PPP3CC: variants seen among roughly 807,000 people sequenced by gnomAD.
PPP3CC encodes the protein protein phosphatase 3 catalytic subunit gamma.
In PPP3CC, 35 loss-of-function variants were observed where a neutral mutation model predicts 60.3. The ratio of observed to expected loss-of-function variants is 0.58; its 90% CI spans 0.44 to 0.77. PPP3CC has a LOEUF of 0.77. Ranked by LOEUF, PPP3CC falls within the 30% of genes least tolerant of loss-of-function variation. The pLI is 0.00. For synonymous variants in PPP3CC, 206 were observed against 224.3 expected (o/e 0.92, Z 0.73); for missense variants, 570 against 628.9 (o/e 0.91, Z 1.00).
In PPP3CC at chr8:22,475,155, T is replaced by C. The variant is rs1241717619; in HGVS notation, c.247+4T>C. 4 of 1,606,098 alleles carry C rather than the reference T, an allele frequency of 2.5e-6. No homozygotes were observed. The African/African-American group carries it at 5.3e-5, about 21-fold the overall frequency. ...GAAGTAGATGCTCCAATCACAGGTA[T>C]AAAAAGTCTTTGCATGATACTTTTT... On this transcript the variant is annotated splice_donor_region_variant and intron_variant, in intron 2 of 13. Coordinates refer to ENST00000240139, the MANE Select transcript of PPP3CC (RefSeq NM_005605.5).
At chr8:22,495,303 T>C (rs1838534576) in intron 3 of PPP3CC, among the ~76,000 whole-genome samples, 1 of 152,154 alleles carries the variant, frequency 6.6e-6, no homozygotes, top group Non-Finnish European at 1.5e-5. Context: ...TAAATCAGTT[T>C]ATAGAGATCT....
intron 1 of PPP3CC, among the ~76,000 whole-genome samples, chr8:22,457,751 A>G (rs1043322288): frequency 6.6e-6 from 1 of 152,348 alleles, no homozygotes; most frequent in Admixed American, 6.5e-5. Context: ...TGCGAATTCT[A>G]CTCAACTAGA....
At chr8:22,516,671 T>C (rs1375874647) in intron 6 of PPP3CC, among the ~76,000 whole-genome samples, 1 of 152,220 alleles carries the variant, frequency 6.6e-6, no homozygotes, top group Non-Finnish European at 1.5e-5. Context: ...CCCTACCTTC[T>C]TTTTGCAGCC....
At chr8:22,448,055 A>T (rs1836886405) in intron 1 of PPP3CC, among the ~76,000 whole-genome samples, 1 of 152,256 alleles carries the variant, frequency 6.6e-6, no homozygotes, top group African/African-American at 2.4e-5. Context: ...TGAAGAATTC[A>T]TTCAGTAATT....
intron 1 of PPP3CC, among the ~76,000 whole-genome samples, chr8:22,472,004 G>A (rs923403656): frequency 2.6e-5 from 4 of 152,018 alleles, no homozygotes; most frequent in African/African-American, 9.7e-5. Flanking sequence ...GCGCACACCT[G>A]TAGTCCCAGC....
At chr8:22,522,837 A>G in intron 8 of PPP3CC, 88 bp downstream of exon 8, 1 of 950,648 alleles carries the variant, frequency 1.1e-6, no homozygotes, top group Non-Finnish European at 1.6e-6. Flanking sequence ...TGTTTGTGTC[A>G]TTTTAAAACA....
chr8:22,483,656 C>T (rs1268988588), intron 3 of PPP3CC, among the ~76,000 whole-genome samples: 1 of 152,154 alleles, frequency 6.6e-6, no homozygotes, highest in African/African-American at 2.4e-5. Context: ...ATTCCGTTTT[C>T]ACAAACCCTA....
chr8:22,480,502 G>A (rs188206867), intron 3 of PPP3CC, among the ~76,000 whole-genome samples: 195 of 152,096 alleles, frequency 1.3e-3, no homozygotes, highest in African/African-American at 4.5e-3. Context: ...TTTTTGAGAC[G>A]GAGTCTCGCT....
chr8:22,488,534 A>G (rs574592514), intron 3 of PPP3CC, among the ~76,000 whole-genome samples: 1 of 152,350 alleles, frequency 6.6e-6, no homozygotes, highest in Non-Finnish European at 1.5e-5. Context: ...GGAGACACCT[A>G]AACAACAAAG....
At chr8:22,523,815 T>A (rs1839471464) in intron 8 of PPP3CC, 1 of 229,268 alleles carries the variant, frequency 4.4e-6, no homozygotes, top group Non-Finnish European at 9.3e-6. Context: ...GATTATAAGG[T>A]AATGAGACTG....
At chr8:22,528,153 T>C (rs1412903493) in intron 9 of PPP3CC, among the ~76,000 whole-genome samples, 1 of 152,228 alleles carries the variant, frequency 6.6e-6, no homozygotes, top group Non-Finnish European at 1.5e-5. Flanking sequence ...TCAAATTAGC[T>C]AAGCCTGTTG....
intron 4 of PPP3CC, among the ~76,000 whole-genome samples, chr8:22,506,553 C>A: frequency 6.6e-6 from 1 of 152,160 alleles, no homozygotes; most frequent in South Asian, 2.1e-4. Flanking sequence ...ATGCATAGAA[C>A]ATCTTTGTAA....
chr8:22,503,562 T>C (rs750053688), intron 4 of PPP3CC, among the ~76,000 whole-genome samples: 5 of 152,154 alleles, frequency 3.3e-5, no homozygotes, highest in Non-Finnish European at 7.4e-5. Flanking sequence ...ATATAGTAGG[T>C]GTATCTATTT....
intron 3 of PPP3CC, among the ~76,000 whole-genome samples, chr8:22,476,918 C>T (rs28508470): frequency 0.04 from 5,648 of 140,488 alleles, 384 homozygotes; most frequent in African/African-American, 0.14. Context: ...GGCGACAGAG[C>T]GAGACTCTGT....
intron 8 of PPP3CC, among the ~76,000 whole-genome samples, chr8:22,525,883 T>C (rs1043484181): frequency 6.9e-4 from 104 of 150,928 alleles, no homozygotes; most frequent in African/African-American, 2.3e-3. Flanking sequence ...TTTTTTTTTT[T>C]CAGAGACAGA....
At chr8:22,457,537 G>C (rs1462821823) in intron 1 of PPP3CC, among the ~76,000 whole-genome samples, 2 of 151,080 alleles carry the variant, frequency 1.3e-5, no homozygotes, top group African/African-American at 4.9e-5. Flanking sequence ...TGAACTCCAG[G>C]CCTCAAGCGA....
At chr8:22,477,037 G>T (rs770188916) in intron 3 of PPP3CC, among the ~76,000 whole-genome samples, 17 of 151,952 alleles carry the variant, frequency 1.1e-4, no homozygotes, top group Non-Finnish European at 2.1e-4. Flanking sequence ...AAATAGTAAA[G>T]CCCATTTTTC....
intron 3 of PPP3CC, chr8:22,493,136 T>C: frequency 6.5e-7 from 1 of 1,539,762 alleles, no homozygotes; most frequent in Non-Finnish European, 8.9e-7. Flanking sequence ...CTTCTGAAGA[T>C]AAAACTTGAA....
At chr8:22,473,228 C>G (rs1837783410) in intron 1 of PPP3CC, among the ~76,000 whole-genome samples, 1 of 152,084 alleles carries the variant, frequency 6.6e-6, no homozygotes, top group Non-Finnish European at 1.5e-5. Context: ...ATCAGAAATT[C>G]AATTGAACGC....
Sources: gnomAD v4.1 joint callset for allele counts (sites outside exome capture counted in the v4.1 genomes callset) on GRCh38, gnomAD v4.1.1 for gene constraint, MANE v1.5 for transcripts, NCBI Gene and HGNC (gene_info 2026-07-23, HGNC 2026-07-21) for gene names.